The following PTPN6 variants were observed in gnomAD, a reference collection of about 807,000 sequenced individuals.
PTPN6 encodes the protein protein tyrosine phosphatase non-receptor type 6.
Under a neutral mutation model 81.5 loss-of-function variants are expected in PTPN6, and 18 were observed. The observed-to-expected ratio is 0.22, with a 90% CI of 0.15 to 0.33. The LOEUF is 0.33. Ranked by LOEUF, PTPN6 falls within the 10% of genes least tolerant of loss-of-function variation. The probability of loss-of-function intolerance (pLI) is 1.00; values close to 1 mark genes in which losing one functional copy is unlikely to be tolerated. For missense variants in PTPN6, 500 were observed against 794.2 expected (o/e 0.63, Z 4.45); for synonymous variants, 301 against 310.9 (o/e 0.97, Z 0.33).
chr12:6,957,438 C>T lies in PTPN6; in HGVS notation c.1075-216C>T, dbSNP rs1355865263. ...TGCCCTGGCAACGTTTGTTGAATGA[C>T]AAACGGATGTACCGGTGAAGTGGCT... On this transcript the variant is annotated intron_variant, in intron 9 of 15. Transcript: ENST00000318974. The surrounding 1 kb of genome is among the most constrained non-coding windows in gnomAD (Gnocchi z 6.5). Among the ~76,000 whole-genome samples the T allele has an allele frequency of 6.6e-6, 1 of 152,230 alleles. No homozygotes were observed. Among genetic ancestry groups the T allele is most frequent in the East Asian group, 1.9e-4 (1 of 5,194 alleles).
chr12:6,958,154 T>C (rs1946065883), intron 11 of PTPN6, 81 bp downstream of exon 11: 6 of 1,565,856 alleles, frequency 3.8e-6, no homozygotes, highest in Non-Finnish European at 5.2e-6. Context: ...ATAAGCAATA[T>C]AAACGTTAGC....
In PTPN6 at chr12:6,951,853, A is replaced by G; in HGVS notation, c.131+122A>G. 2 of 1,568,354 alleles carry G rather than the reference A, an allele frequency of 1.3e-6. No homozygotes were observed. The highest frequency in any genetic ancestry group is 1.1e-5 in the South Asian group (1 of 89,548). ...CTCCCCGTCTGTTCCCTTGCCCCCA[A>G]CCCCCACACTCCCCATCCCTGTCTG... On this transcript the variant is annotated intron_variant, in intron 2 of 15. Transcript: ENST00000318974. This position sits in a 1 kb window ranked among gnomAD's most constrained non-coding sequence, Gnocchi z 7.2.
rs368213761 is a variant in PTPN6 at position 6,952,196 on chromosome 12, C to A, written c.326+19C>A. On this transcript the variant is annotated intron_variant, in intron 3 of 15. Transcript: ENST00000318974. The surrounding 1 kb of genome is among the most constrained non-coding windows in gnomAD (Gnocchi z 8.1). ...GTGAGAGGTGAGGGCTCCGCACCCC[C>A]GCCATTCCCAAGCAGGGATGAGCCG... 1 of 1,612,842 alleles carries A rather than the reference C, an allele frequency of 6.2e-7. No individual in the cohort carries two copies. The highest frequency in any genetic ancestry group is 1.7e-5 in the Admixed American group (1 of 60,010).
rs782448274 is a variant in PTPN6, at chr12:6,960,764, T to C, written c.1674-42T>C. The C allele has an allele frequency of 4.5e-5, 70 of 1,552,032 alleles. No homozygotes were observed. In the Middle Eastern group the frequency reaches 8.3e-4, roughly 19 times the overall value. ...GGTCCCCCTGTGCTGTCTCCTGACC[T>C]GCACCAACTGCCTGTACTTGCCCCC... On this transcript the variant is annotated intron_variant, in intron 14 of 15. Coordinates refer to ENST00000318974, the MANE Select transcript of PTPN6 (RefSeq NM_002831.6). This position sits in a 1 kb window ranked among gnomAD's most constrained non-coding sequence, Gnocchi z 6.1.
At chr12:6,961,040 C>A in intron 15 of PTPN6, 86 bp from the exon 16 acceptor site, 2 of 1,522,532 alleles carry the variant, frequency 1.3e-6, no homozygotes, top group Non-Finnish European at 1.8e-6. Context: ...CAGCCTCATT[C>A]TGTGCTTCCC....
chr12:6,958,419 C>G (rs782643613), intron 11 of PTPN6, among the ~76,000 whole-genome samples: 1 of 152,372 alleles, frequency 6.6e-6, no homozygotes, highest in Non-Finnish European at 1.5e-5. Context: ...AGGCCTGTGT[C>G]CCGGCTGCTC....
rs782451950 is a variant in PTPN6 at position 6,960,137 on chromosome 12, G to A, written c.1479G>A (p.Ala493=). Residue 493 remains alanine (A), a synonymous_variant, in exon 13 of 16, where the codon GCG becomes GCA. Transcript: ENST00000318974. The surrounding 1 kb of genome is among the most constrained non-coding windows in gnomAD (Gnocchi z 6.1). ...AGAAGACCATCCAGATGGTGCGGGC[G>A]CAGCGCTCGGGCATGGTGCAGACGG... ...DIQKTIQMVR[A]QRSGMVQTEA... The A allele has an allele frequency of 2.0e-5, 32 of 1,613,616 alleles. No individual in the cohort carries two copies. Among genetic ancestry groups the A allele is most frequent in the Middle Eastern group, 3.3e-4 (2 of 6,084 alleles).
rs1555147837 is a variant in PTPN6, at chr12:6,951,890, G to A, written c.132-93G>A. The A allele has an allele frequency of 6.6e-7, 1 of 1,526,118 alleles. No homozygotes were observed. Among genetic ancestry groups the A allele is most frequent in the African/African-American group, 1.4e-5 (1 of 72,606 alleles). The allele number at this position is 1,526,118 out of a possible 1,614,324, so 94.5% of individuals were successfully genotyped here. A position where few individuals can be genotyped will look rare whatever the true frequency, so the allele number is the denominator to read the frequency against. ...CCCATCCCTGTCTGTGCCCACCCATGCCCATGTGTGCCCCCACCCAGGACC... is the reference window on the plus strand; with the variant it reads ...CCCATCCCTGTCTGTGCCCACCCATACCCATGTGTGCCCCCACCCAGGACC... On this transcript the variant is annotated intron_variant, in intron 2 of 15. Coordinates refer to ENST00000318974, the MANE Select transcript of PTPN6 (RefSeq NM_002831.6). This position sits in a 1 kb window ranked among gnomAD's most constrained non-coding sequence, Gnocchi z 7.2.
rs1256474162 is a variant in PTPN6 at position 6,955,515 on chromosome 12, C to T, written c.747+30C>T. 1.9e-6 allele frequency: 3 copies of T among 1,606,938 alleles called. No individual in the cohort carries two copies. In the African/African-American group the frequency reaches 4.0e-5, roughly 21 times the overall value. ...ATGGTGGGGACCGGCAGGGCTGGGG[C>T]AGCTGAGGTGGTGGCAGCGGCCTGG... On this transcript the variant is annotated intron_variant, in intron 6 of 15. Transcript: ENST00000318974. This position sits in a 1 kb window ranked among gnomAD's most constrained non-coding sequence, Gnocchi z 7.2.
chr12:6,955,566 C>T lies in PTPN6; in HGVS notation c.747+81C>T, dbSNP rs1946013892. On this transcript the variant is annotated intron_variant, in intron 6 of 15. Transcript: ENST00000318974. The surrounding 1 kb of genome is among the most constrained non-coding windows in gnomAD (Gnocchi z 7.2). ...GGCCCCAGGCGGACACCTTCCCCTC[C>T]TTGCCCACCTCTGCTCCTGACCCAC... 8 of 1,557,460 alleles carry T rather than the reference C, an allele frequency of 5.1e-6. No individual in the cohort carries two copies. In the South Asian group the frequency reaches 7.8e-5, roughly 15 times the overall value.
upstream of PTPN6, chr12:6,946,593 G>A (rs1291398352): frequency 3.4e-5 from 25 of 742,612 alleles, no homozygotes; most frequent in Non-Finnish European, 5.8e-5. Context: ...CTGGCAGGCA[G>A]GATCGAGGAG....
In PTPN6 at chr12:6,952,636, C is replaced by CT. The variant is rs1945948112; in HGVS notation, c.326+461dup. 3.8e-6 allele frequency: 1 copy of CT among 262,246 alleles called. No individual in the cohort carries two copies. The highest frequency in any genetic ancestry group is 2.2e-5 in the African/African-American group (1 of 45,216). The allele number at this position is 262,246 out of a possible 1,614,324, so 16.2% of individuals were successfully genotyped here. A position where few individuals can be genotyped will look rare whatever the true frequency, so the allele number is the denominator to read the frequency against. On this transcript the variant is annotated intron_variant, in intron 3 of 15. Coordinates refer to ENST00000318974, the MANE Select transcript of PTPN6 (RefSeq NM_002831.6). This position sits in a 1 kb window ranked among gnomAD's most constrained non-coding sequence, Gnocchi z 8.1. ...ATGGGGATGAATGCTTGCCAAGACA[C>CT]TTGATGCCTTGTCCCAGCCGCCCCG... is the stretch of plus-strand genomic sequence containing the variant.
rs1224255495 is a variant in PTPN6 at position 6,951,387 on chromosome 12, C to CG, written c.-121dup. 5 of 1,546,946 alleles carry CG rather than the reference C, an allele frequency of 3.2e-6. No individual in the cohort carries two copies. Among genetic ancestry groups the CG allele is most frequent in the South Asian group, 2.4e-5 (2 of 84,102 alleles). On this transcript the variant is annotated 5_prime_UTR_variant, in exon 1 of 16. Transcript: ENST00000318974. This position sits in a 1 kb window ranked among gnomAD's most constrained non-coding sequence, Gnocchi z 7.2. ...GTGGCAGCCCCAGAACTGGGACCAC[C>CG]GGGGGTGGTGAGGCGGCCCGGCACT...
intron 3 of PTPN6, chr12:6,953,228 A>G (rs7966756): frequency 0.83 from 126,805 of 152,280 alleles, 55,040 homozygotes; most frequent in East Asian, 0.98. Context: ...TGAGCCTCAC[A>G]TGGCTGGCTC....
chr12:6,947,313 C>T (rs1015006041), upstream of PTPN6, among the ~76,000 whole-genome samples: 25 of 152,224 alleles, frequency 1.6e-4, no homozygotes, highest in Non-Finnish European at 3.5e-4. Flanking sequence ...TGGGAGGTTA[C>T]AGACCGAACA....
chr12:6,949,043 T>G (rs1455999762), upstream of PTPN6, among the ~76,000 whole-genome samples: 1 of 152,012 alleles, frequency 6.6e-6, no homozygotes, highest in Non-Finnish European at 1.5e-5. Flanking sequence ...GATTCTTGCT[T>G]CTCACACTCA....
Position 6,957,660 on chromosome 12 carries a change from T to C in PTPN6, c.1081T>C (p.Cys361Arg). The change falls in exon 10 of 16, where the codon TGC (cysteine) becomes CGC (arginine). Residue 361 changes from cysteine (C) to arginine (R), a missense_variant. Cys to Arg is a radical substitution (Grantham distance 180). This residue lies in a region of PTPN6 where 226 missense variants were observed against 364.4 expected (regional missense o/e 0.62). Transcript: ENST00000318974. This position sits in a 1 kb window ranked among gnomAD's most constrained non-coding sequence, Gnocchi z 6.5. ...CCCGACCCTCCCTTTCCAGAACAAATGCGTCCCATACTGGCCCGAGGTGGG... is the reference window on the plus strand; with the variant it reads ...CCCGACCCTCCCTTTCCAGAACAAACGCGTCCCATACTGGCCCGAGGTGGG... ...TREVEKGRNK[C>R]VPYWPEVGMQ... 1.7e-6 allele frequency: 1 copy of C among 592,142 alleles called. No individual in the cohort carries two copies. The highest frequency in any genetic ancestry group is 3.2e-6 in the Non-Finnish European group (1 of 317,142). 36.7% of individuals were successfully genotyped at this position (592,142 alleles called of 1,614,324 possible). A position where few individuals can be genotyped will look rare whatever the true frequency, so the allele number is the denominator to read the frequency against.
In PTPN6 at chr12:6,955,450, G is replaced by T. The variant is rs1555148481; in HGVS notation, c.712G>T (p.Asp238Tyr). 3 of 1,614,178 alleles carry T rather than the reference G, an allele frequency of 1.9e-6. No individual in the cohort carries two copies. The highest frequency in any genetic ancestry group is 1.6e-4 in the Middle Eastern group (1 of 6,062). ...LELNKKQESE[D>Y]TAKAGFWEEF... Reference sequence around the variant, plus strand: ...ACTGAACAAGAAGCAGGAGTCCGAGGATACAGCCAAGGCTGGCTTCTGGGA... The same window carrying T: ...ACTGAACAAGAAGCAGGAGTCCGAGTATACAGCCAAGGCTGGCTTCTGGGA... Residue 238 changes from aspartate to tyrosine, a missense_variant, in exon 6 of 16, where the codon GAT (aspartate) becomes TAT (tyrosine). Physicochemically the swap from Asp to Tyr is radical, Grantham distance 160. Coordinates refer to ENST00000318974, the MANE Select transcript of PTPN6 (RefSeq NM_002831.6). The surrounding 1 kb of genome is among the most constrained non-coding windows in gnomAD (Gnocchi z 7.2).
chr12:6,958,130 T>C lies in PTPN6; in HGVS notation c.1361+57T>C. The C allele has an allele frequency of 2.5e-6, 4 of 1,591,106 alleles. No homozygotes were observed. The Admixed American group carries it at 6.7e-5, about 27-fold the overall frequency. On this transcript the variant is annotated intron_variant, in intron 11 of 15. Transcript: ENST00000318974. ...CAGCTGAGAAGTAAATACTGCTAAG[T>C]GCCATGAGCTGTTATAAGCAATATA...
Sources: gnomAD v4.1 joint callset for allele counts (sites outside exome capture counted in the v4.1 genomes callset) on GRCh38, gnomAD v4.1.1 for gene constraint, gnomAD v4.1.1 regional missense constraint, Gnocchi (gnomAD v3.1) non-coding constraint, MANE v1.5 for transcripts, NCBI Gene and HGNC (gene_info 2026-07-23, HGNC 2026-07-21) for gene names.